Variants in NEDD4 observed in about 807,000 individuals in gnomAD.
NEDD4 encodes the protein E3 ubiquitin-protein ligase NEDD4.
Under a neutral mutation model 144.9 loss-of-function variants are expected in NEDD4, and 99 were observed. The ratio of observed to expected loss-of-function variants is 0.68; its 90% CI spans 0.58 to 0.81. The LOEUF (loss-of-function observed/expected upper bound fraction) is 0.81, where lower values mean the gene tolerates loss of function less well. Ranked by LOEUF, NEDD4 falls within the 30% of genes least tolerant of loss-of-function variation. The pLI is 0.00. For missense variants in NEDD4, 985 were observed against 1,065.9 expected (o/e 0.92, Z 1.06); for synonymous variants, 318 against 350.6 (o/e 0.91, Z 1.04).
At chr15:55,872,969 A>G (rs2142067241) in intron 6 of NEDD4, among the ~76,000 whole-genome samples, 1 of 151,988 alleles carries the variant, frequency 6.6e-6, no homozygotes, top group African/African-American at 2.4e-5. Context: ...GAGCCAATTA[A>G]TATAACTCAC....
rs993208410 is a variant in NEDD4, at chr15:55,828,183, C to T, written c.*1714G>A. 2 of 152,146 alleles carry T rather than the reference C, an allele frequency of 1.3e-5. No homozygotes were observed. Among genetic ancestry groups the T allele is most frequent in the African/African-American group, 4.8e-5 (2 of 41,434 alleles). The allele number at this position is 152,146 out of a possible 1,614,324, so 9.4% of individuals were successfully genotyped here. A position where few individuals can be genotyped will look rare whatever the true frequency, so the allele number is the denominator to read the frequency against. ...TGGAAAGTAGAAAGTGGTTTTGCTA[C>T]TGTCACATTTCAGATTTCTATCAGG... is the stretch of plus-strand genomic sequence containing the variant. On this transcript the variant is annotated 3_prime_UTR_variant, in exon 29 of 29. Coordinates refer to ENST00000435532, the MANE Select transcript of NEDD4 (RefSeq NM_006154.4).
intron 4 of NEDD4, among the ~76,000 whole-genome samples, chr15:55,937,636 T>C (rs540921129): frequency 6.6e-6 from 1 of 152,332 alleles, no homozygotes; most frequent in Non-Finnish European, 1.5e-5. Flanking sequence ...AGTAGAGTCC[T>C]AATCCTGATT....
chr15:55,827,132 A>G lies in NEDD4; in HGVS notation c.*2765T>C, dbSNP rs1296110968. On this transcript the variant is annotated 3_prime_UTR_variant, in exon 29 of 29. Transcript: ENST00000435532. ...ATATGGAATAACTTCAGCATTATAA[A>G]TAAAAACCCAAAACAAACACCATTT... is the stretch of plus-strand genomic sequence containing the variant. 6.6e-6 allele frequency: 1 copy of G among 152,252 alleles called. No homozygotes were observed. Among genetic ancestry groups the G allele is most frequent in the African/African-American group, 2.4e-5 (1 of 41,462 alleles). 9.4% of individuals were successfully genotyped at this position (152,252 alleles called of 1,614,324 possible).
intron 1 of NEDD4, among the ~76,000 whole-genome samples, chr15:55,978,245 T>C (rs1177684389): frequency 6.6e-6 from 1 of 152,212 alleles, no homozygotes; most frequent in Non-Finnish European, 1.5e-5. Flanking sequence ...TACATTTAAC[T>C]TTTAACCTTT....
intron 1 of NEDD4, among the ~76,000 whole-genome samples, chr15:55,982,655 G>A (rs1211800774): frequency 6.6e-6 from 1 of 152,150 alleles, no homozygotes; most frequent in African/African-American, 2.4e-5. Context: ...TCATAATTGG[G>A]TCATTGGCTT....
intron 5 of NEDD4, among the ~76,000 whole-genome samples, chr15:55,877,498 G>A (rs1041791549): frequency 1.1e-4 from 17 of 152,234 alleles, no homozygotes; most frequent in South Asian, 8.3e-4. Flanking sequence ...TTTGGTTAAG[G>A]TGCTGTCTTC....
chr15:55,944,603 T>C (rs1296653137), intron 4 of NEDD4, among the ~76,000 whole-genome samples: 1 of 152,228 alleles, frequency 6.6e-6, no homozygotes, highest in African/African-American at 2.4e-5. Flanking sequence ...CAGACTTAAA[T>C]GTCCCTATCT....
intron 7 of NEDD4, among the ~76,000 whole-genome samples, chr15:55,870,823 A>C (rs1171072970): frequency 6.6e-6 from 1 of 152,044 alleles, no homozygotes; most frequent in Non-Finnish European, 1.5e-5. Context: ...TGCTTTCATA[A>C]GGTTCTAATT....
intron 1 of NEDD4, among the ~76,000 whole-genome samples, chr15:55,981,367 CT>C (rs59382910): frequency 6.6e-6 from 1 of 151,144 alleles, no homozygotes; most frequent in African/African-American, 2.4e-5. Context: ...GCCCGGCCTC[CT>C]TTTTTTTTCT....
At chr15:55,892,834 G>A (rs978928957) in intron 5 of NEDD4, among the ~76,000 whole-genome samples, 7 of 151,836 alleles carry the variant, frequency 4.6e-5, no homozygotes, top group African/African-American at 1.7e-4. Flanking sequence ...TACCTTTTTG[G>A]TGGTTGTATG....
rs1412534804 is a variant in NEDD4, at chr15:55,842,072, T to A, written c.1700A>T (p.Asp567Val). ...YRRIMGVKRA[D>V]FLKARLWIEF... is the part of the protein sequence containing the mutation. ...AATCCACAGTCGAGCCTTCAGGAAGTCTGCTCTCTTGACACCCATAATTCT... is the reference window on the plus strand; with the variant it reads ...AATCCACAGTCGAGCCTTCAGGAAGACTGCTCTCTTGACACCCATAATTCT... Residue 567 changes from aspartate (D) to valine (V), a missense_variant, in exon 19 of 29, where the codon GAC becomes GTC. Coordinates refer to ENST00000435532, the MANE Select transcript of NEDD4 (RefSeq NM_006154.4). 6.2e-7 allele frequency: 1 copy of A among 1,614,198 alleles called. No individual in the cohort carries two copies. Among genetic ancestry groups the A allele is most frequent in the Non-Finnish European group, 8.5e-7 (1 of 1,180,030 alleles).
chr15:55,953,596 C>T (rs958619233), intron 2 of NEDD4, among the ~76,000 whole-genome samples: 3 of 151,864 alleles, frequency 2.0e-5, no homozygotes, highest in South Asian at 2.1e-4. Context: ...CACACGCCAC[C>T]GCACCCAGCT....
chr15:55,848,805 C>G lies in NEDD4; in HGVS notation c.1428+1G>C. 1.2e-6 allele frequency: 2 copies of G among 1,612,648 alleles called. No individual in the cohort carries two copies. Among genetic ancestry groups the G allele is most frequent in the Non-Finnish European group, 1.7e-6 (2 of 1,178,942 alleles). On this transcript the variant is annotated splice_donor_variant, in intron 15 of 28. Transcript: ENST00000435532. LOFTEE classifies it high-confidence loss of function. ...ATGGGTTAGCATTTCTATACACTTA[C>G]AGGTAAAGGCCCTAGATCATTGGAA...
intron 5 of NEDD4, among the ~76,000 whole-genome samples, chr15:55,894,671 T>A (rs2035683245): frequency 6.6e-6 from 1 of 152,214 alleles, no homozygotes; most frequent in Admixed American, 6.5e-5. Context: ...ACTTTCTAAT[T>A]ATCACAGACT....
At chr15:55,892,986 T>C (rs920512995) in intron 5 of NEDD4, among the ~76,000 whole-genome samples, 4 of 152,170 alleles carry the variant, frequency 2.6e-5, no homozygotes, top group East Asian at 3.8e-4. Flanking sequence ...ACCAAGCTGG[T>C]ATTTATCATT....
intron 1 of NEDD4, among the ~76,000 whole-genome samples, chr15:55,973,595 G>T (rs2037650314): frequency 6.6e-6 from 1 of 151,586 alleles, no homozygotes; most frequent in Non-Finnish European, 1.5e-5. Flanking sequence ...GACTACAACA[G>T]AATAACACTA....
chr15:55,847,674 TCC>T (rs2033803869), intron 17 of NEDD4, among the ~76,000 whole-genome samples: 1 of 132,034 alleles, frequency 7.6e-6, no homozygotes, highest in South Asian at 2.6e-4. Context: ...TTTTTCTTTT[TCC>T]TTTTTTTTTT....
intron 5 of NEDD4, among the ~76,000 whole-genome samples, chr15:55,918,484 G>A (rs763183333): frequency 5.5e-4 from 84 of 151,724 alleles, no homozygotes; most frequent in Admixed American, 1.2e-3. Context: ...AAATAGTTCC[G>A]TTGTTTATAC....
intron 2 of NEDD4, among the ~76,000 whole-genome samples, chr15:55,958,647 ATTAACAACAAATTCAATTTCTT>A (rs1163026335): frequency 7.2e-5 from 11 of 152,158 alleles, no homozygotes; most frequent in Non-Finnish European, 1.2e-4. Context: ...ATTCAATTTA[ATTAACAACAAATTCAATTTCTT>A]TTAACAACAA....
Sources: allele counts gnomAD v4.1 joint callset (sites outside exome capture counted in the v4.1 genomes callset), GRCh38; gene constraint gnomAD v4.1.1; transcripts MANE v1.5; gene names NCBI Gene and HGNC (gene_info 2026-07-23, HGNC 2026-07-21).